Variants in NAALADL2 observed in about 807,000 individuals in gnomAD.
The protein encoded by NAALADL2 is inactive N-acetylated-alpha-linked acidic dipeptidase-like protein 2.
In NAALADL2, 76 loss-of-function variants were observed where a neutral mutation model predicts 87.2. The ratio of observed to expected loss-of-function variants is 0.87; its 90% CI spans 0.72 to 1.05. NAALADL2 has a LOEUF of 1.05. NAALADL2 is among the 50% of genes least tolerant of loss of function. NAALADL2 has a pLI of 0.00. For synonymous variants in NAALADL2, 354 were observed against 331.0 expected, an observed-to-expected ratio of 1.07 and a Z score of -0.75; for missense variants, 1,089 against 945.8, an observed-to-expected ratio of 1.15 and a Z score of -1.99.
chr3:174,743,860 T>G (rs1320171092), intron 3 of NAALADL2, among the ~76,000 whole-genome samples: 1 of 151,920 alleles, frequency 6.6e-6, no homozygotes, highest in Non-Finnish European at 1.5e-5. Flanking sequence ...CTGCACATTT[T>G]GAGGAAATTG....
intron 2 of NAALADL2, among the ~76,000 whole-genome samples, chr3:174,616,755 A>G (rs1720500301): frequency 2.6e-5 from 4 of 151,872 alleles, no homozygotes. Context: ...TGCGTCTATG[A>G]TAGAAAAAGC....
At chr3:174,922,856 T>A (rs1239021236) in intron 1 of NAALADL2, among the ~76,000 whole-genome samples, 1 of 152,226 alleles carries the variant, frequency 6.6e-6, no homozygotes, top group African/African-American at 2.4e-5. Context: ...TTATTGCTGA[T>A]GTTATTATCA....
intron 2 of NAALADL2, among the ~76,000 whole-genome samples, chr3:175,196,555 C>G (rs752573178): frequency 9.2e-5 from 14 of 151,936 alleles, no homozygotes; most frequent in Non-Finnish European, 1.6e-4. Context: ...AATTCTTCAG[C>G]TTTAGACTAT....
chr3:175,755,973 C>G (rs1747215279), intron 13 of NAALADL2, among the ~76,000 whole-genome samples: 1 of 152,086 alleles, frequency 6.6e-6, no homozygotes, highest in Non-Finnish European at 1.5e-5. Flanking sequence ...GGATTAGATA[C>G]AGACTCAGAG....
intron 1 of NAALADL2, among the ~76,000 whole-genome samples, chr3:174,872,978 C>T (rs1728029225): frequency 6.6e-6 from 1 of 152,110 alleles, no homozygotes; most frequent in Non-Finnish European, 1.5e-5. Flanking sequence ...TGGACATCCC[C>T]AACCTCCTCA....
chr3:175,418,472 G>A (rs370023249), intron 5 of NAALADL2, among the ~76,000 whole-genome samples: 9 of 152,212 alleles, frequency 5.9e-5, no homozygotes, highest in Middle Eastern at 3.4e-3. Context: ...TCACATCTTT[G>A]ATCAATGTTT....
chr3:174,797,280 C>A (rs1469765255), intron 3 of NAALADL2, among the ~76,000 whole-genome samples: 2 of 101,632 alleles, frequency 2.0e-5, no homozygotes, highest in Non-Finnish European at 4.1e-5. Context: ...TTTCTGGGAT[C>A]TTTTTTCTTT....
chr3:174,603,422 T>A (rs1202216789), intron 2 of NAALADL2, among the ~76,000 whole-genome samples: 1 of 151,998 alleles, frequency 6.6e-6, no homozygotes, highest in African/African-American at 2.4e-5. Flanking sequence ...CCACTAATGA[T>A]TCTTTGAATT....
chr3:174,907,268 A>G (rs1173242883), intron 1 of NAALADL2, among the ~76,000 whole-genome samples: 2 of 152,064 alleles, frequency 1.3e-5, no homozygotes, highest in African/African-American at 2.4e-5. Flanking sequence ...TTAGATCTAA[A>G]AAAAGAAGAA....
At chr3:175,620,909 T>C (rs1171820868) in intron 10 of NAALADL2, among the ~76,000 whole-genome samples, 2 of 152,096 alleles carry the variant, frequency 1.3e-5, no homozygotes, top group Non-Finnish European at 2.9e-5. Context: ...CGACCTGAAG[T>C]GGGTAGCCCT....
intron 1 of NAALADL2, among the ~76,000 whole-genome samples, chr3:175,078,200 T>C (rs901668587): frequency 1.3e-5 from 2 of 152,024 alleles, no homozygotes; most frequent in African/African-American, 2.4e-5. Flanking sequence ...AATTTTTGTA[T>C]TTTTATTACA....
chr3:174,628,850 C>G (rs1237706154), intron 2 of NAALADL2, among the ~76,000 whole-genome samples: 2 of 152,050 alleles, frequency 1.3e-5, no homozygotes, highest in Non-Finnish European at 2.9e-5. Flanking sequence ...CTGTGTGTAC[C>G]CTGATCGAGG....
chr3:174,447,143 C>T (rs1028840750), intron 1 of NAALADL2, among the ~76,000 whole-genome samples: 1 of 152,140 alleles, frequency 6.6e-6, no homozygotes, highest in East Asian at 1.9e-4. Context: ...GCTCTGTTTA[C>T]AGGAGTTACA....
At chr3:175,359,126 C>A (rs535208106) in intron 5 of NAALADL2, among the ~76,000 whole-genome samples, 3 of 152,172 alleles carry the variant, frequency 2.0e-5, no homozygotes, top group Admixed American at 6.6e-5. Context: ...TGGAGACCAG[C>A]AGTTATTGCA....
At chr3:174,976,017 G>T (rs919136689) in intron 1 of NAALADL2, among the ~76,000 whole-genome samples, 1 of 152,136 alleles carries the variant, frequency 6.6e-6, no homozygotes, top group African/African-American at 2.4e-5. Context: ...GTTTTATGCT[G>T]CTAAGTCTGT....
chr3:175,182,110 C>T (rs1436955249), intron 2 of NAALADL2, among the ~76,000 whole-genome samples: 2 of 151,872 alleles, frequency 1.3e-5, no homozygotes, highest in Admixed American at 1.3e-4. Flanking sequence ...GAGGGGATAT[C>T]TCATTGTAGT....
intron 4 of NAALADL2, among the ~76,000 whole-genome samples, chr3:175,294,685 G>C (rs1227045513): frequency 6.6e-6 from 1 of 152,236 alleles, no homozygotes; most frequent in Non-Finnish European, 1.5e-5. Flanking sequence ...TCACTTTTTG[G>C]AATTAGAAGT....
At chr3:174,967,595 T>C (rs996661755) in intron 1 of NAALADL2, among the ~76,000 whole-genome samples, 3 of 152,126 alleles carry the variant, frequency 2.0e-5, no homozygotes, top group Admixed American at 6.6e-5. Context: ...TCTCATTTTC[T>C]TGCTTCCCTG....
chr3:175,742,542 C>G (rs913039963), intron 12 of NAALADL2, among the ~76,000 whole-genome samples: 2 of 151,922 alleles, frequency 1.3e-5, no homozygotes, highest in African/African-American at 2.4e-5. Context: ...GGACTACAGG[C>G]GCCCACCACC....
Sources: gnomAD v4.1 joint callset for allele counts (sites outside exome capture counted in the v4.1 genomes callset) on GRCh38, gnomAD v4.1.1 for gene constraint, MANE v1.5 for transcripts, NCBI Gene and HGNC (gene_info 2026-07-23, HGNC 2026-07-21) for gene names.